Variants in GNAQ observed in about 807,000 individuals in gnomAD.
GNAQ encodes G protein subunit alpha q, also known as guanine nucleotide-binding protein G(q) subunit alpha.
GNAQ carries 8 observed loss-of-function variants against 43.9 expected under a neutral mutation model. The ratio of observed to expected loss-of-function variants is 0.18; its 90% CI spans 0.11 to 0.33. The LOEUF (loss-of-function observed/expected upper bound fraction) is 0.33. GNAQ is among the 10% of genes least tolerant of loss of function. The probability of loss-of-function intolerance (pLI) is 1.00; values close to 1 mark genes in which losing one functional copy is unlikely to be tolerated. For synonymous variants in GNAQ, 155 were observed against 170.7 expected (o/e 0.91, Z 0.71); for missense variants, 158 against 450.8 (o/e 0.35, Z 5.88).
chr9:77,807,884 C>T (rs1826852627), intron 3 of GNAQ, among the ~76,000 whole-genome samples: 1 of 152,116 alleles, frequency 6.6e-6, no homozygotes, highest in Admixed American at 6.6e-5. Flanking sequence ...CTGACTCTCC[C>T]GTTGGGTCCA....
In GNAQ at chr9:77,849,021, T is replaced by C. The variant is rs578151106; in HGVS notation, c.322-33251A>G. 8.5e-5 allele frequency among the ~76,000 whole-genome samples: 13 copies of C among 152,238 alleles called. No homozygotes were observed. The South Asian group carries it at 1.0e-3, about 12-fold the overall frequency. On this transcript the variant is annotated intron_variant, in intron 2 of 6. Coordinates refer to ENST00000286548, the MANE Select transcript of GNAQ (RefSeq NM_002072.5). ...GAAGAAAAATGTGTGGTGACAGAAA[T>C]CTAGCCCCACTGAGGAAAATTCGAG... is the stretch of plus-strand genomic sequence containing the variant.
At chr9:77,935,805 TGCAACAAAATG>T (rs1173461123) in intron 1 of GNAQ, among the ~76,000 whole-genome samples, 1 of 152,204 alleles carries the variant, frequency 6.6e-6, no homozygotes, top group Non-Finnish European at 1.5e-5. Flanking sequence ...GGAACAGACG[TGCAACAAAATG>T]GTAACAGAGC....
At chr9:77,913,774 A>T (rs1179700391) in intron 2 of GNAQ, among the ~76,000 whole-genome samples, 1 of 152,196 alleles carries the variant, frequency 6.6e-6, no homozygotes, top group East Asian at 1.9e-4. Flanking sequence ...AGGGAGCATG[A>T]AGAATCTTCT....
intron 5 of GNAQ, among the ~76,000 whole-genome samples, chr9:77,759,665 C>T (rs1212545818): frequency 6.6e-6 from 1 of 152,060 alleles, no homozygotes. Context: ...ATGCCCTACA[C>T]CCTAGATAAC....
At chr9:77,957,193 T>C (rs1353254465) in intron 1 of GNAQ, among the ~76,000 whole-genome samples, 1 of 151,818 alleles carries the variant, frequency 6.6e-6, no homozygotes, top group African/African-American at 2.4e-5. Flanking sequence ...CCTTCTCTAC[T>C]AAAAATAAAA....
chr9:77,999,537 C>T (rs572794251), intron 1 of GNAQ, among the ~76,000 whole-genome samples: 3 of 152,284 alleles, frequency 2.0e-5, no homozygotes, highest in African/African-American at 7.2e-5. Context: ...TGCCGATCTG[C>T]ACAAGAACTA....
intron 5 of GNAQ, among the ~76,000 whole-genome samples, chr9:77,760,256 A>G (rs1333433305): frequency 8.1e-6 from 1 of 123,076 alleles, no homozygotes; most frequent in Non-Finnish European, 1.8e-5. Flanking sequence ...TCTGATGCCG[A>G]GCCGAAGCTG....
At chr9:77,879,759 T>C (rs999019143) in intron 2 of GNAQ, among the ~76,000 whole-genome samples, 2 of 152,164 alleles carry the variant, frequency 1.3e-5, no homozygotes, top group Non-Finnish European at 2.9e-5. Context: ...TATGATACGG[T>C]GAGATTCAAC....
intron 5 of GNAQ, among the ~76,000 whole-genome samples, chr9:77,793,376 T>A (rs1315302683): frequency 6.6e-6 from 1 of 152,136 alleles, no homozygotes; most frequent in African/African-American, 2.4e-5. Context: ...GACTCTCGGT[T>A]CTATATAGAC....
intron 1 of GNAQ, among the ~76,000 whole-genome samples, chr9:77,943,725 G>A (rs1302152654): frequency 1.4e-5 from 2 of 148,006 alleles, no homozygotes; most frequent in Non-Finnish European, 3.0e-5. Flanking sequence ...GTGCAGTGGC[G>A]TGATCTTGGC....
Position 77,941,122 on chromosome 9 carries a change from T to C in GNAQ, c.137-18777A>G, listed in dbSNP as rs139150286. Among the ~76,000 whole-genome samples the C allele has an allele frequency of 6.9e-3, 1,045 of 152,306 alleles. 6 individuals carry two copies. Among genetic ancestry groups the C allele is most frequent in the African/African-American group, 0.018 (756 of 41,562 alleles). ...GACATAATATTTTTCAAGTATTAAA[T>C]TGGCAAAGATGTTTTTAAATGCTCA... is the stretch of plus-strand genomic sequence containing the variant. On this transcript the variant is annotated intron_variant, in intron 1 of 6. Transcript: ENST00000286548.
chr9:77,791,652 T>A (rs1210701736), intron 5 of GNAQ, among the ~76,000 whole-genome samples: 1 of 152,210 alleles, frequency 6.6e-6, no homozygotes, highest in Non-Finnish European at 1.5e-5. Flanking sequence ...CATAAAATTA[T>A]GAAGATTTAT....
intron 2 of GNAQ, among the ~76,000 whole-genome samples, chr9:77,852,577 T>C (rs957513728): frequency 6.6e-6 from 1 of 152,204 alleles, no homozygotes; most frequent in African/African-American, 2.4e-5. Context: ...GGTTGGCTCC[T>C]CCAGTCCTTC....
chr9:77,968,797 T>C (rs957357143), intron 1 of GNAQ, among the ~76,000 whole-genome samples: 29 of 152,302 alleles, frequency 1.9e-4, no homozygotes, highest in African/African-American at 6.7e-4. Context: ...AAAGAGGAAC[T>C]CAGAGAGAAT....
chr9:77,739,969 C>G (rs921446078), intron 5 of GNAQ, among the ~76,000 whole-genome samples: 1 of 152,142 alleles, frequency 6.6e-6, no homozygotes, highest in East Asian at 1.9e-4. Flanking sequence ...AGCTAATAAA[C>G]CAACAAAGCA....
rs1564143550 is a variant in GNAQ, at chr9:77,894,339, T to TTAATAGAAAATATATA, written c.321+27821_321+27822insTATATATTTTCTATTA. Among the ~76,000 whole-genome samples the TTAATAGAAAATATATA allele has an allele frequency of 0.013, 18 of 1,334 alleles. No individual in the cohort carries two copies. In the South Asian group the frequency reaches 0.23, roughly 17 times the overall value. The allele number at this position is 1,334 out of a possible 152,430, so 0.9% of individuals were successfully genotyped here. On this transcript the variant is annotated intron_variant, in intron 2 of 6. Coordinates refer to ENST00000286548, the MANE Select transcript of GNAQ (RefSeq NM_002072.5). ...TATATATTTAATAGAAAATATATATTATATATATTTAATAGAAAATATATA... is the reference window on the plus strand; with the variant it reads ...TATATATTTAATAGAAAATATATATTTAATAGAAAATATATAATATATATTTAATAGAAAATATATA...
chr9:77,789,650 A>C (rs1826536125), intron 5 of GNAQ, among the ~76,000 whole-genome samples: 1 of 152,154 alleles, frequency 6.6e-6, no homozygotes, highest in South Asian at 2.1e-4. Flanking sequence ...TATATTCATA[A>C]TTAGTTGTAA....
chr9:77,730,148 C>T (rs1564093304), intron 5 of GNAQ, among the ~76,000 whole-genome samples: 1 of 152,166 alleles, frequency 6.6e-6, no homozygotes, highest in Non-Finnish European at 1.5e-5. Context: ...GAACATCAGT[C>T]AAAAGAACCT....
At chr9:77,845,025 G>A (rs1293595928) in intron 2 of GNAQ, among the ~76,000 whole-genome samples, 1 of 152,172 alleles carries the variant, frequency 6.6e-6, no homozygotes. Context: ...CTATGGGGAT[G>A]AAGTTAAATA....
Sources: gnomAD v4.1 joint callset for allele counts (sites outside exome capture counted in the v4.1 genomes callset) on GRCh38, gnomAD v4.1.1 for gene constraint, MANE v1.5 for transcripts, NCBI Gene and HGNC (gene_info 2026-07-23, HGNC 2026-07-21) for gene names.